Variants in FOXP2 observed in about 807,000 individuals in gnomAD.
FOXP2 encodes the protein forkhead box P2.
A neutral mutation model predicts 115.8 loss-of-function variants in FOXP2; 12 were observed. The observed-to-expected ratio is 0.10, with a 90% CI of 0.07 to 0.17. FOXP2 has a LOEUF of 0.17. Among genes scored for constraint, FOXP2 ranks in the 10% least tolerant of loss-of-function variants. The probability of loss-of-function intolerance (pLI) is 1.00; values close to 1 mark genes in which losing one functional copy is unlikely to be tolerated. For synonymous variants in FOXP2, 328 were observed against 297.7 expected (o/e 1.10, Z -1.05); for missense variants, 629 against 843.5 (o/e 0.75, Z 3.15).
At chr7:114,537,616 C>A (rs557138495) in intron 3 of FOXP2, among the ~76,000 whole-genome samples, 1 of 151,568 alleles carries the variant, frequency 6.6e-6, no homozygotes, top group East Asian at 1.9e-4. Flanking sequence ...ATTATTTTTT[C>A]ATTTACATTT....
chr7:114,160,538 G>A (rs1792800111), upstream of FOXP2, among the ~76,000 whole-genome samples: 1 of 152,052 alleles, frequency 6.6e-6, no homozygotes, highest in Non-Finnish European at 1.5e-5. Flanking sequence ...TGTCCTAAGG[G>A]ATGGGAAATG....
intron 1 of FOXP2, among the ~76,000 whole-genome samples, chr7:114,258,287 A>G (rs1795669476): frequency 6.6e-6 from 1 of 152,184 alleles, no homozygotes; most frequent in African/African-American, 2.4e-5. Flanking sequence ...CATGTGGGTT[A>G]TGTGTCTTAA....
In FOXP2 at chr7:114,305,555, C is replaced by T. The variant is rs189895766; in HGVS notation, c.-11+17446C>T. ...ATATGATTCTCAATATTCAGTACAA[C>T]GCCTGTAAAATTATTCTTATAAAAC... is the stretch of plus-strand genomic sequence containing the variant. On this transcript the variant is annotated intron_variant, in intron 2 of 17. Transcript: ENST00000634411. Among the ~76,000 whole-genome samples the T allele has an allele frequency of 3.5e-3, 537 of 152,154 alleles. 5 individuals carry two copies. Among genetic ancestry groups the T allele is most frequent in the African/African-American group, 0.012 (511 of 41,506 alleles).
chr7:114,570,757 C>T (rs746028207), intron 3 of FOXP2: 11 of 1,343,220 alleles, frequency 8.2e-6, no homozygotes, highest in Non-Finnish European at 1.2e-5. Context: ...TTAGCACAAG[C>T]CTTAAGATTG....
At position 114,534,602 on chromosome 7, in the gene FOXP2, C is replaced by T. The variant is rs779736650; in HGVS notation, c.169-15C>T. 4 of 1,607,750 alleles carry T rather than the reference C, an allele frequency of 2.5e-6. No individual in the cohort carries two copies. The highest frequency in any genetic ancestry group is 1.1e-5 in the South Asian group (1 of 90,974). Reference sequence around the variant, plus strand: ...TCAACAAAATATTTAGATAAGGTTTCATTTTTACTTCTAGGCTCTCCAGGC... The same window carrying T: ...TCAACAAAATATTTAGATAAGGTTTTATTTTTACTTCTAGGCTCTCCAGGC... On this transcript the variant is annotated splice_polypyrimidine_tract_variant and intron_variant, in intron 2 of 16. Coordinates refer to ENST00000350908, the MANE Select transcript of FOXP2 (RefSeq NM_014491.4).
chr7:114,416,852 G>T (rs1486966220), intron 1 of FOXP2, among the ~76,000 whole-genome samples: 1 of 151,782 alleles, frequency 6.6e-6, no homozygotes, highest in African/African-American at 2.4e-5. Context: ...AGGGTTACAG[G>T]TATCTGTTTA....
intron 2 of FOXP2, among the ~76,000 whole-genome samples, chr7:114,471,718 G>A (rs1234283582): frequency 6.6e-6 from 1 of 151,822 alleles, no homozygotes; most frequent in Non-Finnish European, 1.5e-5. Context: ...GGGAGGCCGA[G>A]GCGGGCGGAT....
intron 3 of FOXP2, among the ~76,000 whole-genome samples, chr7:114,552,674 A>G (rs1226385309): frequency 1.3e-5 from 2 of 152,200 alleles, no homozygotes; most frequent in African/African-American, 4.8e-5. Context: ...GATATAATAC[A>G]ATGTCCATAT....
intron 7 of FOXP2, 36 bp downstream of exon 7, chr7:114,642,659 T>G: frequency 6.3e-7 from 1 of 1,584,256 alleles, no homozygotes. Flanking sequence ...ATTTATCTAT[T>G]TTCAGATTTT....
intron 1 of FOXP2, among the ~76,000 whole-genome samples, chr7:114,244,618 A>C (rs185763328): frequency 1.3e-5 from 2 of 152,294 alleles, no homozygotes; most frequent in Admixed American, 6.5e-5. Flanking sequence ...TAACTTAATT[A>C]TATCTTTATA....
intron 1 of FOXP2, among the ~76,000 whole-genome samples, chr7:114,231,577 T>C (rs886833206): frequency 3.3e-5 from 5 of 152,184 alleles, no homozygotes; most frequent in Admixed American, 1.3e-4. Context: ...ATGATCTATT[T>C]GTCAAATGAT....
chr7:114,258,087 T>C (rs568324807), intron 1 of FOXP2, among the ~76,000 whole-genome samples: 1 of 152,324 alleles, frequency 6.6e-6, no homozygotes, highest in African/African-American at 2.4e-5. Flanking sequence ...AACATAATCA[T>C]GTTTGCTGCT....
At position 114,284,223 on chromosome 7, in the gene FOXP2, T is replaced by A. The variant is rs749869471; in HGVS notation, c.-101-3796T>A. 2.0e-4 allele frequency among the ~76,000 whole-genome samples: 30 copies of A among 151,990 alleles called. 1 individual carries two copies. The highest frequency in any genetic ancestry group is 4.1e-4 in the Non-Finnish European group (28 of 68,004). On this transcript the variant is annotated intron_variant, in intron 1 of 17. Coordinates refer to the FOXP2 transcript ENST00000634411. Reference sequence around the variant, plus strand: ...ACTCAGGCAGAGTTATCTGACTGCCTAAGCTTCAACTGGGTGCTGCTCCTG... The same window carrying A: ...ACTCAGGCAGAGTTATCTGACTGCCAAAGCTTCAACTGGGTGCTGCTCCTG...
At chr7:114,620,099 A>G (rs1312245660) in intron 3 of FOXP2, among the ~76,000 whole-genome samples, 1 of 152,024 alleles carries the variant, frequency 6.6e-6, no homozygotes, top group African/African-American at 2.4e-5. Context: ...TAAGAGCACA[A>G]AACAAAACTA....
intron 16 of FOXP2, among the ~76,000 whole-genome samples, chr7:114,679,736 A>T (rs1245072321): frequency 2.6e-5 from 4 of 151,944 alleles, no homozygotes; most frequent in Non-Finnish European, 5.9e-5. Context: ...CATAATAAAA[A>T]TTTTCACCTA....
chr7:114,583,092 C>T (rs1801949640), intron 3 of FOXP2, among the ~76,000 whole-genome samples: 2 of 152,240 alleles, frequency 1.3e-5, no homozygotes, highest in East Asian at 1.9e-4. Flanking sequence ...AAAAACTTTG[C>T]TTTGCCCAGG....
chr7:114,128,936 T>C (rs1359126371), intron 1 of FOXP2, among the ~76,000 whole-genome samples: 1 of 152,290 alleles, frequency 6.6e-6, no homozygotes, highest in Non-Finnish European at 1.5e-5. Context: ...ATTTCCCTTT[T>C]CATCCTCTCT....
In FOXP2 at chr7:114,680,519, C is replaced by T. The variant is rs77771297; in HGVS notation, c.2004-9263C>T. 3.0e-3 allele frequency among the ~76,000 whole-genome samples: 456 copies of T among 152,226 alleles called. 5 individuals carry two copies. Among genetic ancestry groups the T allele is most frequent in the Non-Finnish European group, 4.4e-3 (301 of 68,000 alleles). ...TGACCTTCTATGGCAAAGGTTTGTACTCTTTAATCTGTAATAATACAAGTA... is the reference window on the plus strand; with the variant it reads ...TGACCTTCTATGGCAAAGGTTTGTATTCTTTAATCTGTAATAATACAAGTA... On this transcript the variant is annotated intron_variant, in intron 16 of 16. Coordinates refer to ENST00000350908, the MANE Select transcript of FOXP2 (RefSeq NM_014491.4).
intron 6 of FOXP2, 137 bp downstream of exon 6, chr7:114,631,842 G>A (rs1804941353): frequency 1.6e-5 from 14 of 864,642 alleles, no homozygotes; most frequent in Middle Eastern, 5.5e-4. Flanking sequence ...TGTTAACATG[G>A]TGGCATGACC....
Sources: allele counts gnomAD v4.1 joint callset (sites outside exome capture counted in the v4.1 genomes callset), GRCh38; gene constraint gnomAD v4.1.1; transcripts MANE v1.5; gene names NCBI Gene and HGNC (gene_info 2026-07-23, HGNC 2026-07-21).